SMPD3: variants seen among roughly 807,000 people sequenced by gnomAD.
The protein encoded by SMPD3 is sphingomyelin phosphodiesterase 3.
SMPD3 carries 21 observed loss-of-function variants against 55.7 expected under a neutral mutation model. That is an observed-to-expected ratio of 0.38 (90% CI 0.27 to 0.54). The LOEUF (loss-of-function observed/expected upper bound fraction) is 0.54, where lower values mean the gene tolerates loss of function less well. Ranked by LOEUF, SMPD3 falls within the 20% of genes least tolerant of loss-of-function variation. The probability of loss-of-function intolerance (pLI) is 0.80; values close to 1 mark genes in which losing one functional copy is unlikely to be tolerated. For missense variants in SMPD3, 842 were observed against 899.6 expected (o/e 0.94, Z 0.82); for synonymous variants, 457 against 404.3 (o/e 1.13, Z -1.56).
At chr16:68,403,366 T>G (rs1052655021) in intron 1 of SMPD3, among the ~76,000 whole-genome samples, 7 of 152,010 alleles carry the variant, frequency 4.6e-5, no homozygotes, top group African/African-American at 1.7e-4. Flanking sequence ...AGGCTCAGAG[T>G]AGATGCCAAT....
intron 1 of SMPD3, among the ~76,000 whole-genome samples, chr16:68,439,695 C>A (rs2090551521): frequency 6.6e-6 from 1 of 152,160 alleles, no homozygotes; most frequent in Non-Finnish European, 1.5e-5. Flanking sequence ...CTTCACTGAG[C>A]TTAATACATA....
rs759989372 is a variant in SMPD3 at position 68,371,323 on chromosome 16, C to T, written c.859G>A (p.Gly287Arg). 6.3e-6 allele frequency: 10 copies of T among 1,596,930 alleles called. No individual in the cohort carries two copies. Among genetic ancestry groups the T allele is most frequent in the East Asian group, 2.2e-5 (1 of 44,876 alleles). The change falls in exon 3 of 9, where the codon GGG becomes AGG. Residue 287 changes from glycine (G) to arginine (R), a missense_variant. Transcript: ENST00000219334. ...GQTPNHNQQDGDSGSLGSPSA... is the reference protein window; with the variant it reads ...GQTPNHNQQDRDSGSLGSPSA... ...GGGCTGCCCAGGCTCCCTGAATCCC[C>T]GTCCTGCTGATTATGGTTGGGCGTC...
chr16:68,363,936 TTCCCATCAGTTAC>T, intron 5 of SMPD3, 70 bp from the exon 6 acceptor site: 1 of 1,364,258 alleles, frequency 7.3e-7, no homozygotes, highest in Non-Finnish European at 1.0e-6. Context: ...GTGCCCCTGC[TTCCCATCAGTTAC>T]TCCCCATGTG....
intron 1 of SMPD3, among the ~76,000 whole-genome samples, chr16:68,389,621 G>A (rs1454522838): frequency 3.3e-5 from 5 of 152,188 alleles, no homozygotes; most frequent in South Asian, 2.1e-4. Context: ...AGGTACCTTC[G>A]ATGAGGCTGG....
rs1332559550 is a variant in SMPD3 at position 68,361,019 on chromosome 16, C to T, written c.*187G>A. The T allele has an allele frequency of 3.5e-6, 2 of 579,072 alleles. No individual in the cohort carries two copies. Among genetic ancestry groups the T allele is most frequent in the South Asian group, 2.2e-5 (1 of 46,030 alleles). The allele number at this position is 579,072 out of a possible 1,614,324, so 35.9% of individuals were successfully genotyped here. The stretch of plus-strand genomic sequence containing the variant: ...CTGGAGGCTCCTGGGGCGGGCCTGA[C>T]TCCTCTGTCCACAGTGAGGCCCAGA... On this transcript the variant is annotated 3_prime_UTR_variant, in exon 9 of 9. Transcript: ENST00000219334.
intron 1 of SMPD3, among the ~76,000 whole-genome samples, chr16:68,416,559 C>G (rs4783630): frequency 0.17 from 26,592 of 152,220 alleles, 2,615 homozygotes; most frequent in Non-Finnish European, 0.22. Context: ...CAAACTTGTT[C>G]CCTTATTCTG....
At chr16:68,370,800 C>G (rs897749661) in intron 3 of SMPD3, 59 bp downstream of exon 3, 38 of 1,594,978 alleles carry the variant, frequency 2.4e-5, no homozygotes, top group Non-Finnish European at 3.2e-5. Flanking sequence ...AGCCCCCCTG[C>G]CTACATGGCT....
chr16:68,385,675 T>C (rs1419150708), intron 2 of SMPD3, among the ~76,000 whole-genome samples: 1 of 152,154 alleles, frequency 6.6e-6, no homozygotes, highest in Non-Finnish European at 1.5e-5. Flanking sequence ...GCTCTTACAG[T>C]AGTCTTGTTT....
At chr16:68,362,518 C>A (rs2089335744) in intron 7 of SMPD3, among the ~76,000 whole-genome samples, 1 of 152,226 alleles carries the variant, frequency 6.6e-6, no homozygotes, top group South Asian at 2.1e-4. Context: ...GGCTTAGGAC[C>A]CCCTCCTGGG....
intron 7 of SMPD3, among the ~76,000 whole-genome samples, chr16:68,363,185 G>A (rs375339409): frequency 3.4e-5 from 5 of 148,612 alleles, no homozygotes; most frequent in Admixed American, 1.3e-4. Context: ...TGGCCCGGGG[G>A]AAATTCCAGG....
chr16:68,399,674 C>T (rs895090244), intron 1 of SMPD3, among the ~76,000 whole-genome samples: 2 of 152,200 alleles, frequency 1.3e-5, no homozygotes, highest in East Asian at 3.9e-4. Context: ...GGTCAGACCC[C>T]CCACTGGCCA....
At chr16:68,435,000 AG>A (rs1331123784) in intron 1 of SMPD3, among the ~76,000 whole-genome samples, 1 of 152,206 alleles carries the variant, frequency 6.6e-6, no homozygotes, top group Non-Finnish European at 1.5e-5. Context: ...TGCAAGATGA[AG>A]GGATTGTCCA....
chr16:68,412,776 T>C (rs543077346), intron 1 of SMPD3, among the ~76,000 whole-genome samples: 1 of 152,318 alleles, frequency 6.6e-6, no homozygotes, highest in South Asian at 2.1e-4. Context: ...GCTCCCCAAG[T>C]TATCAAGACA....
At chr16:68,439,866 C>T (rs190790700) in intron 1 of SMPD3, among the ~76,000 whole-genome samples, 18 of 152,276 alleles carry the variant, frequency 1.2e-4, no homozygotes, top group Admixed American at 5.2e-4. Context: ...TCCAGATTTA[C>T]GTTCTCTCTT....
At chr16:68,403,071 C>T (rs868508747) in intron 1 of SMPD3, among the ~76,000 whole-genome samples, 2 of 152,218 alleles carry the variant, frequency 1.3e-5, no homozygotes, top group African/African-American at 2.4e-5. Context: ...CCTACAGTAA[C>T]GCTCTGATTT....
intron 3 of SMPD3, chr16:68,369,906 G>A (rs957272382): frequency 2.6e-5 from 4 of 152,270 alleles, no homozygotes; most frequent in African/African-American, 9.6e-5. Flanking sequence ...GAACTGGGAA[G>A]TGAGGAAACC....
intron 1 of SMPD3, among the ~76,000 whole-genome samples, chr16:68,446,964 C>T (rs1021896266): frequency 3.3e-5 from 5 of 152,224 alleles, no homozygotes; most frequent in Non-Finnish European, 7.3e-5. Context: ...GGCTCAGCCG[C>T]CTCCTCCCTC....
chr16:68,365,354 C>T (rs1245314892), intron 3 of SMPD3, among the ~76,000 whole-genome samples: 1 of 152,118 alleles, frequency 6.6e-6, no homozygotes, highest in Non-Finnish European at 1.5e-5. Flanking sequence ...GGGGGAAGTG[C>T]CGAACCGCAG....
Position 68,371,809 on chromosome 16 carries a change from A to G in SMPD3, c.373T>C (p.Cys125Arg). Reference sequence around the variant, plus strand: ...AGGCAGACGTTGGCAGTGGCAAAGCAGAAGCTTTTGCCAGGCCCCGTGCCC... The same window carrying G: ...AGGCAGACGTTGGCAGTGGCAAAGCGGAAGCTTTTGCCAGGCCCCGTGCCC... ...WKGTGPGKSFCFATANVCLLP... is the reference protein window; with the variant it reads ...WKGTGPGKSFRFATANVCLLP... Residue 125 changes from cysteine to arginine, a missense_variant, in exon 3 of 9, where the codon TGC becomes CGC. By Grantham distance (180) the Cys-to-Arg change is radical. This residue lies in a region of SMPD3 where 193 missense variants were observed against 256.0 expected (regional missense o/e 0.75). Coordinates refer to ENST00000219334, the MANE Select transcript of SMPD3 (RefSeq NM_018667.4). The G allele has an allele frequency of 6.2e-7, 1 of 1,608,032 alleles. No homozygotes were observed. The highest frequency in any genetic ancestry group is 8.5e-7 in the Non-Finnish European group (1 of 1,177,676).
Sources: allele counts gnomAD v4.1 joint callset (sites outside exome capture counted in the v4.1 genomes callset), GRCh38; gene constraint gnomAD v4.1.1; regional missense constraint gnomAD v4.1.1; transcripts MANE v1.5; gene names NCBI Gene and HGNC (gene_info 2026-07-23, HGNC 2026-07-21).